The following FGF14 variants were observed in gnomAD, a reference collection of about 807,000 sequenced individuals.
FGF14 encodes fibroblast growth factor 14.
Under a neutral mutation model 25.5 loss-of-function variants are expected in FGF14, and 5 were observed. That is an observed-to-expected ratio of 0.20 (90% confidence interval 0.10 to 0.41). The LOEUF (loss-of-function observed/expected upper bound fraction) is 0.41, where lower values mean the gene tolerates loss of function less well. Ranked by LOEUF, FGF14 falls within the 10% of genes least tolerant of loss-of-function variation. FGF14 has a pLI of 1.00. For synonymous variants in FGF14, 138 were observed against 118.3 expected, an observed-to-expected ratio of 1.17 and a Z score of -1.08; for missense variants, 222 against 320.1, an observed-to-expected ratio of 0.69 and a Z score of 2.34.
At chr13:102,099,342 G>C (rs1169275937) in intron 1 of FGF14, among the ~76,000 whole-genome samples, 3 of 152,202 alleles carry the variant, frequency 2.0e-5, no homozygotes, top group Non-Finnish European at 4.4e-5. Flanking sequence ...GAAACAGCGT[G>C]CTCTTGCACC....
Position 101,715,821 on chromosome 13 carries a change from A to G in FGF14, c.*7010T>C, listed in dbSNP as rs2034696767. ...TCCGAGTACCTATTAGAAATGAGTT[A>G]TGCAAATTTAGATGCAAATAACATT... On this transcript the variant is annotated 3_prime_UTR_variant, in exon 5 of 5. Coordinates refer to ENST00000376143, the MANE Select transcript of FGF14 (RefSeq NM_004115.4). 2.1e-6 allele frequency: 1 copy of G among 485,902 alleles called. No homozygotes were observed. Among genetic ancestry groups the G allele is most frequent in the African/African-American group, 2.0e-5 (1 of 50,618 alleles). The allele number at this position is 485,902 out of a possible 1,614,324, so 30.1% of individuals were successfully genotyped here.
chr13:102,110,392 G>A (rs9557806), intron 1 of FGF14, among the ~76,000 whole-genome samples: 64,500 of 151,962 alleles, frequency 0.42, 15,859 homozygotes, highest in Non-Finnish European at 0.56. Context: ...TACATTTATA[G>A]AAAGGAATAC....
intron 1 of FGF14, among the ~76,000 whole-genome samples, chr13:101,903,415 C>T (rs1202097229): frequency 1.3e-5 from 2 of 152,058 alleles, no homozygotes; most frequent in African/African-American, 2.4e-5. Flanking sequence ...TAATTCTGTA[C>T]AGATTCGAAC....
chr13:101,926,650 C>T (rs545512838), intron 1 of FGF14, among the ~76,000 whole-genome samples: 1 of 152,112 alleles, frequency 6.6e-6, no homozygotes, highest in Non-Finnish European at 1.5e-5. Flanking sequence ...AGATTTAAGG[C>T]CATAGAATCT....
At chr13:102,345,747 T>C (rs996497514) in intron 1 of FGF14, among the ~76,000 whole-genome samples, 1 of 152,246 alleles carries the variant, frequency 6.6e-6, no homozygotes, top group Non-Finnish European at 1.5e-5. Context: ...TATGAAACTC[T>C]TCTTGGAGAG....
rs748930229 is a variant in FGF14, at chr13:101,715,612, T to G, written c.*7219A>C. 6.2e-7 allele frequency: 1 copy of G among 1,613,552 alleles called. No individual in the cohort carries two copies. The highest frequency in any genetic ancestry group is 8.5e-7 in the Non-Finnish European group (1 of 1,179,536). On this transcript the variant is annotated 3_prime_UTR_variant, in exon 5 of 5. Transcript: ENST00000376143. The stretch of plus-strand genomic sequence containing the variant: ...ACTGTGAATGCTGGGATGGATGGAA[T>G]GGAAATGCATGTGAAATCTGGCTTG...
At chr13:101,791,100 G>A (rs2040208648) in intron 3 of FGF14, among the ~76,000 whole-genome samples, 1 of 152,174 alleles carries the variant, frequency 6.6e-6, no homozygotes, top group Admixed American at 6.6e-5. Flanking sequence ...TGGTGGGCAA[G>A]GAAGTCCTGT....
chr13:102,069,783 T>C (rs1001310117), intron 1 of FGF14, among the ~76,000 whole-genome samples: 3 of 142,266 alleles, frequency 2.1e-5, no homozygotes, highest in African/African-American at 6.2e-5. Flanking sequence ...TGCGAGGGTC[T>C]GCGGCTTCAT....
chr13:102,318,319 T>C (rs1281678120), intron 1 of FGF14, among the ~76,000 whole-genome samples: 2 of 152,180 alleles, frequency 1.3e-5, no homozygotes, highest in Non-Finnish European at 2.9e-5. Context: ...TCCTCAGCCT[T>C]AGAGCACCCA....
At chr13:101,758,322 A>T (rs1443041497) in intron 3 of FGF14, among the ~76,000 whole-genome samples, 1 of 152,224 alleles carries the variant, frequency 6.6e-6, no homozygotes, top group African/African-American at 2.4e-5. Context: ...AAAGCTAGTT[A>T]AAATGTAAGT....
chr13:102,342,479 T>C (rs561266188), intron 1 of FGF14, among the ~76,000 whole-genome samples: 1 of 152,202 alleles, frequency 6.6e-6, no homozygotes, highest in Non-Finnish European at 1.5e-5. Flanking sequence ...CATTCTCTGA[T>C]TCAACCTACA....
At chr13:102,107,204 T>C (rs1023504971) in intron 1 of FGF14, among the ~76,000 whole-genome samples, 2 of 152,174 alleles carry the variant, frequency 1.3e-5, no homozygotes, top group Admixed American at 1.3e-4. Context: ...CAGAGTTCAG[T>C]ATAGAAATTT....
chr13:102,049,431 C>T (rs1261756863), intron 1 of FGF14, among the ~76,000 whole-genome samples: 1 of 152,064 alleles, frequency 6.6e-6, no homozygotes, highest in African/African-American at 2.4e-5. Flanking sequence ...AATGGGATTA[C>T]TGATTTTGAG....
chr13:102,284,965 C>T (rs577898981), intron 1 of FGF14, among the ~76,000 whole-genome samples: 89 of 151,980 alleles, frequency 5.9e-4, no homozygotes, highest in African/African-American at 2.1e-3. Context: ...CTCTTTCTCA[C>T]CACTTTGAGC....
chr13:101,872,121 C>T (rs978762364), intron 2 of FGF14, among the ~76,000 whole-genome samples: 3 of 151,542 alleles, frequency 2.0e-5, no homozygotes, highest in African/African-American at 2.4e-5. Context: ...CATGAAGATA[C>T]GAAAGTTCAA....
chr13:102,194,153 T>A (rs960063721), intron 1 of FGF14, among the ~76,000 whole-genome samples: 1 of 152,222 alleles, frequency 6.6e-6, no homozygotes, highest in Admixed American at 6.5e-5. Context: ...AAATAAAAAA[T>A]TTGCTAGGGA....
intron 1 of FGF14, among the ~76,000 whole-genome samples, chr13:102,147,549 G>A (rs190614177): frequency 6.6e-6 from 1 of 152,168 alleles, no homozygotes; most frequent in Non-Finnish European, 1.5e-5. Flanking sequence ...ACAGTGCAGA[G>A]ATACAAAAGA....
intron 1 of FGF14, among the ~76,000 whole-genome samples, chr13:102,236,244 G>A (rs1039978141): frequency 3.3e-5 from 5 of 152,068 alleles, no homozygotes; most frequent in African/African-American, 4.8e-5. Context: ...CGAATTATTC[G>A]TTGCACAAGA....
chr13:101,952,770 C>T (rs1398431320), intron 1 of FGF14, among the ~76,000 whole-genome samples: 1 of 152,208 alleles, frequency 6.6e-6, no homozygotes, highest in Non-Finnish European at 1.5e-5. Flanking sequence ...GTGGCCCACG[C>T]CTTTAATCCC....
Sources: allele counts gnomAD v4.1 joint callset (sites outside exome capture counted in the v4.1 genomes callset), GRCh38; gene constraint gnomAD v4.1.1; transcripts MANE v1.5; gene names NCBI Gene and HGNC (gene_info 2026-07-23, HGNC 2026-07-21).